L3MBTL4: variants seen among roughly 807,000 people sequenced by gnomAD.
L3MBTL4 encodes the protein lethal(3)malignant brain tumor-like protein 4.
Under a neutral mutation model 84.5 loss-of-function variants are expected in L3MBTL4, and 70 were observed. The observed-to-expected ratio is 0.83, with a 90% CI of 0.68 to 1.01. L3MBTL4 has a LOEUF of 1.01. L3MBTL4 is among the 50% of genes least tolerant of loss of function. The pLI, the probability that L3MBTL4 is intolerant of heterozygous loss-of-function variation, is 0.00. For synonymous variants in L3MBTL4, 274 were observed against 259.8 expected (o/e 1.05, Z -0.52); for missense variants, 715 against 754.8 (o/e 0.95, Z 0.62).
intron 16 of L3MBTL4, among the ~76,000 whole-genome samples, chr18:6,023,538 T>C (rs2055364592): frequency 6.6e-6 from 1 of 152,166 alleles, no homozygotes; most frequent in Non-Finnish European, 1.5e-5. Context: ...GATCAAATAA[T>C]TCAACATGCT....
intron 12 of L3MBTL4, among the ~76,000 whole-genome samples, chr18:6,188,868 C>G (rs1335803037): frequency 6.6e-6 from 1 of 152,240 alleles, no homozygotes; most frequent in Non-Finnish European, 1.5e-5. Context: ...TCCTTTCTAT[C>G]AACACATTTG....
At chr18:6,093,714 C>A (rs544912388) in intron 14 of L3MBTL4, among the ~76,000 whole-genome samples, 186 bp from the exon 15 acceptor site, 1 of 152,250 alleles carries the variant, frequency 6.6e-6, no homozygotes, top group African/African-American at 2.4e-5. Context: ...GTTCTAGAAC[C>A]ACAGACACTG....
chr18:6,315,944 G>A (rs1168224206), intron 1 of L3MBTL4, among the ~76,000 whole-genome samples: 1 of 152,164 alleles, frequency 6.6e-6, no homozygotes, highest in Non-Finnish European at 1.5e-5. Context: ...TACTTTATGA[G>A]AATAGCACAG....
At chr18:6,142,489 T>G (rs2144696953) in intron 13 of L3MBTL4, among the ~76,000 whole-genome samples, 1 of 152,376 alleles carries the variant, frequency 6.6e-6, no homozygotes, top group South Asian at 2.1e-4. Flanking sequence ...CTTAAGCACA[T>G]CTTATGTTCT....
intron 1 of L3MBTL4, among the ~76,000 whole-genome samples, chr18:6,345,215 C>CAA (rs35502624): frequency 2.2e-3 from 86 of 38,402 alleles, no homozygotes; most frequent in Non-Finnish European, 2.7e-3. Flanking sequence ...TACTAAAATA[C>CAA]AAAAAAAAAA....
chr18:6,187,368 T>G (rs1371378733), intron 12 of L3MBTL4, among the ~76,000 whole-genome samples: 1 of 152,154 alleles, frequency 6.6e-6, no homozygotes, highest in African/African-American at 2.4e-5. Context: ...AAGTTTTCAT[T>G]TAAAATATCA....
At chr18:6,058,720 T>C (rs1365715810) in intron 16 of L3MBTL4, among the ~76,000 whole-genome samples, 2 of 152,106 alleles carry the variant, frequency 1.3e-5, no homozygotes, top group African/African-American at 4.8e-5. Flanking sequence ...CTGCTTTACT[T>C]TGGGGGGCAT....
chr18:5,959,366 T>C (rs918418541), intron 18 of L3MBTL4, among the ~76,000 whole-genome samples: 2 of 152,194 alleles, frequency 1.3e-5, no homozygotes, highest in African/African-American at 4.8e-5. Flanking sequence ...GGATAATGGT[T>C]GTAAAATGCT....
At chr18:6,311,406 A>G in intron 3 of L3MBTL4, 148 bp downstream of exon 3, 2 of 625,266 alleles carry the variant, frequency 3.2e-6, no homozygotes, top group South Asian at 4.2e-5. Context: ...TATATTCTAT[A>G]CCCCTACACA....
intron 4 of L3MBTL4, among the ~76,000 whole-genome samples, chr18:6,268,361 G>A (rs1353812723): frequency 2.0e-5 from 3 of 152,060 alleles, no homozygotes; most frequent in Non-Finnish European, 4.4e-5. Flanking sequence ...GAGCCGAGAT[G>A]GCGCCATTGC....
intron 16 of L3MBTL4, among the ~76,000 whole-genome samples, chr18:6,062,332 A>T (rs1328981838): frequency 6.6e-6 from 1 of 152,036 alleles, no homozygotes; most frequent in Non-Finnish European, 1.5e-5. Context: ...TCTGAAGAGA[A>T]GTCCAGTGTA....
At chr18:6,377,415 T>A (rs2054413044) in intron 1 of L3MBTL4, among the ~76,000 whole-genome samples, 1 of 152,198 alleles carries the variant, frequency 6.6e-6, no homozygotes, top group Non-Finnish European at 1.5e-5. Flanking sequence ...GGTGGTTTGC[T>A]GCACCCATCA....
At chr18:6,270,751 A>C (rs2048831242) in intron 4 of L3MBTL4, among the ~76,000 whole-genome samples, 1 of 152,210 alleles carries the variant, frequency 6.6e-6, no homozygotes, top group Admixed American at 6.5e-5. Flanking sequence ...ACTCAGCAGT[A>C]GGCTGCACTG....
chr18:5,999,547 A>G (rs2054125287), intron 16 of L3MBTL4, among the ~76,000 whole-genome samples: 1 of 152,262 alleles, frequency 6.6e-6, no homozygotes, highest in Non-Finnish European at 1.5e-5. Flanking sequence ...CATTTTAAAC[A>G]TGCTAATCAG....
At chr18:6,385,775 C>CA (rs1284256335) in intron 1 of L3MBTL4, among the ~76,000 whole-genome samples, 1 of 152,188 alleles carries the variant, frequency 6.6e-6, no homozygotes, top group African/African-American at 2.4e-5. Context: ...AACCTCTCTC[C>CA]AAAAGGCCGA....
In L3MBTL4 at chr18:6,243,361, A is replaced by G. The variant is rs772416730; in HGVS notation, c.393T>C (p.Ala131=). The change falls in exon 7 of 19, where the codon GCT becomes GCC. Residue 131 remains alanine (A), a synonymous_variant. Transcript: ENST00000317931. The part of the protein sequence containing the change: ...YLSCYDFWTN[A]GSPDIHPVGW... ...CTACTGGATGAATGTCAGGGGAACC[A>G]GCATTGGTCCAAAAATCATAGCAAC... 1 of 1,607,062 alleles carries G rather than the reference A, an allele frequency of 6.2e-7. No homozygotes were observed.
chr18:6,095,609 C>T (rs1160028038), intron 14 of L3MBTL4, among the ~76,000 whole-genome samples: 1 of 152,074 alleles, frequency 6.6e-6, no homozygotes, highest in Non-Finnish European at 1.5e-5. Flanking sequence ...CTCGGCCTCC[C>T]GAAGTGCTGG....
chr18:6,003,322 A>T (rs2054315202), intron 16 of L3MBTL4, among the ~76,000 whole-genome samples: 2 of 151,728 alleles, frequency 1.3e-5, no homozygotes, highest in Non-Finnish European at 3.0e-5. Flanking sequence ...GAAGGGTGTG[A>T]TATATTAATA....
At chr18:5,995,195 C>T (rs1319166407) in intron 16 of L3MBTL4, among the ~76,000 whole-genome samples, 1 of 152,238 alleles carries the variant, frequency 6.6e-6, no homozygotes, top group African/African-American at 2.4e-5. Context: ...CCACGCCATG[C>T]AGGGATACTG....
Sources: allele counts gnomAD v4.1 joint callset (sites outside exome capture counted in the v4.1 genomes callset), GRCh38; gene constraint gnomAD v4.1.1; transcripts MANE v1.5; gene names NCBI Gene and HGNC (gene_info 2026-07-23, HGNC 2026-07-21).